GALNT18: variants seen among roughly 807,000 people sequenced by gnomAD.
GALNT18 encodes GalNAc-transferase 18.
In GALNT18, 44 loss-of-function variants were observed where a neutral mutation model predicts 69.5. That is an observed-to-expected ratio of 0.63 (90% CI 0.50 to 0.81). The LOEUF (loss-of-function observed/expected upper bound fraction) is 0.81, where lower values mean the gene tolerates loss of function less well. Among genes scored for constraint, GALNT18 ranks in the 40% least tolerant of loss-of-function variants. GALNT18 has a pLI of 0.00. For missense variants in GALNT18, 715 were observed against 810.0 expected, an observed-to-expected ratio of 0.88 and a Z score of 1.42; for synonymous variants, 364 against 318.2, an observed-to-expected ratio of 1.14 and a Z score of -1.53.
rs1041543974 is a variant in GALNT18 at position 11,459,952 on chromosome 11, TC to T, written c.236-11017del. ...TTCTGTTTCCATGCTCTTCCCAGTT[TC>T]CAGAGGCTGCCTGCATTCCTTGGCT... On this transcript the variant is annotated intron_variant, in intron 1 of 10. Transcript: ENST00000227756. The surrounding 1 kb of genome is among the most constrained non-coding windows in gnomAD (Gnocchi z 5.0). Among the ~76,000 whole-genome samples the T allele has an allele frequency of 6.6e-6, 1 of 152,162 alleles. No individual in the cohort carries two copies. The highest frequency in any genetic ancestry group is 1.5e-5 in the Non-Finnish European group (1 of 68,030).
rs921546997 is a variant in GALNT18, at chr11:11,526,124, G to T, written c.236-77188C>A. On this transcript the variant is annotated intron_variant, in intron 1 of 10. Coordinates refer to ENST00000227756, the MANE Select transcript of GALNT18 (RefSeq NM_198516.3). ...GGACAGGATGTTGGAAGAAAAGAGA[G>T]CAATGGCATTTTAGGCAGGCAGTCA... Among the ~76,000 whole-genome samples the T allele has an allele frequency of 8.4e-4, 128 of 152,310 alleles. 1 individual carries two copies. The highest frequency in any genetic ancestry group is 2.9e-3 in the African/African-American group (119 of 41,568).
chr11:11,532,647 A>T (rs1391686292), intron 1 of GALNT18, among the ~76,000 whole-genome samples: 3 of 152,256 alleles, frequency 2.0e-5, no homozygotes, highest in Non-Finnish European at 2.9e-5. Flanking sequence ...CATCTTGAAC[A>T]ACATAATGGA....
chr11:11,440,246 G>A (rs935034170), intron 2 of GALNT18, among the ~76,000 whole-genome samples: 3 of 152,210 alleles, frequency 2.0e-5, no homozygotes, highest in African/African-American at 7.2e-5. Flanking sequence ...CCAACAGGAA[G>A]CAGGGATACC....
In GALNT18 at chr11:11,563,578, T is replaced by C. The variant is rs1858567800; in HGVS notation, c.235+57781A>G. Among the ~76,000 whole-genome samples the C allele has an allele frequency of 6.6e-6, 1 of 152,230 alleles. No individual in the cohort carries two copies. The highest frequency in any genetic ancestry group is 2.4e-5 in the African/African-American group (1 of 41,458). ...GCAAACAGAGGGCTGTATCATCTCA[T>C]CTGACTATCACTCCATCCTCATGTC... is the stretch of plus-strand genomic sequence containing the variant. On this transcript the variant is annotated intron_variant, in intron 1 of 10. Coordinates refer to ENST00000227756, the MANE Select transcript of GALNT18 (RefSeq NM_198516.3). The surrounding 1 kb of genome is among the most constrained non-coding windows in gnomAD (Gnocchi z 4.6).
rs565560167 is a variant in GALNT18, at chr11:11,271,098, G to A, written c.*46C>T. 2 of 1,555,644 alleles carry A rather than the reference G, an allele frequency of 1.3e-6. No homozygotes were observed. Among genetic ancestry groups the A allele is most frequent in the African/African-American group, 2.7e-5 (2 of 74,084 alleles). ...GTGGACAGCAGGCAACGTTGCAGCA[G>A]GTGCTACACAGTAGCAAAGAGGCAG... is the stretch of plus-strand genomic sequence containing the variant. On this transcript the variant is annotated 3_prime_UTR_variant, in exon 11 of 11. Coordinates refer to ENST00000227756, the MANE Select transcript of GALNT18 (RefSeq NM_198516.3).
chr11:11,599,096 T>C (rs1859571815), intron 1 of GALNT18, among the ~76,000 whole-genome samples: 1 of 152,186 alleles, frequency 6.6e-6, no homozygotes, highest in Non-Finnish European at 1.5e-5. Flanking sequence ...ATTATAAGTG[T>C]CTATTAGGTC....
intron 1 of GALNT18, among the ~76,000 whole-genome samples, chr11:11,451,580 T>A (rs550147569): frequency 6.6e-6 from 1 of 152,344 alleles, no homozygotes; most frequent in Admixed American, 6.5e-5. Context: ...TTGTTGAATT[T>A]CTGCCAAGAG....
At position 11,372,377 on chromosome 11, in the gene GALNT18, C is replaced by T; in HGVS notation, c.1092+138G>A. 1 of 679,080 alleles carries T rather than the reference C, an allele frequency of 1.5e-6. No individual in the cohort carries two copies. The highest frequency in any genetic ancestry group is 2.6e-6 in the Non-Finnish European group (1 of 391,498). 42.1% of individuals were successfully genotyped at this position (679,080 alleles called of 1,614,324 possible). On this transcript the variant is annotated intron_variant, in intron 6 of 10. Coordinates refer to ENST00000227756, the MANE Select transcript of GALNT18 (RefSeq NM_198516.3). This position sits in a 1 kb window ranked among gnomAD's most constrained non-coding sequence, Gnocchi z 4.9. ...GCTCCACCCTGTGTCTTCCCAATCC[C>T]AATCACACACAGGATTCAGGACTGG...
intron 10 of GALNT18, among the ~76,000 whole-genome samples, chr11:11,274,538 T>G (rs1848897051): frequency 6.6e-6 from 1 of 152,080 alleles, no homozygotes; most frequent in African/African-American, 2.4e-5. Flanking sequence ...GTGGCCTGAG[T>G]AGGTGGGTTT....
At chr11:11,378,258 C>G (rs561670858) in intron 4 of GALNT18, among the ~76,000 whole-genome samples, 18 of 152,212 alleles carry the variant, frequency 1.2e-4, no homozygotes, top group Non-Finnish European at 2.2e-4. Flanking sequence ...TCTCCCACTC[C>G]CCGGGGGCAC....
intron 1 of GALNT18, among the ~76,000 whole-genome samples, chr11:11,549,667 C>T (rs1233511739): frequency 6.6e-6 from 1 of 152,382 alleles, no homozygotes; most frequent in East Asian, 1.9e-4. Context: ...ATCCCCATTT[C>T]CTCCCCAACA....
chr11:11,561,204 G>A (rs980949032), intron 1 of GALNT18, among the ~76,000 whole-genome samples: 2 of 152,184 alleles, frequency 1.3e-5, no homozygotes, highest in African/African-American at 2.4e-5. Context: ...TGAGAAGGGA[G>A]GGGAGGGAAA....
chr11:11,621,492 G>GT lies in GALNT18; in HGVS notation c.101dup (p.Asn34LysfsTer31). The GT allele has an allele frequency of 6.2e-7, 1 of 1,614,168 alleles. No homozygotes were observed. Among genetic ancestry groups the GT allele is most frequent in the Non-Finnish European group, 8.5e-7 (1 of 1,180,032 alleles). Reference sequence around the variant, plus strand: ...CCCGCACATACACGCTGGCGATGTAGTTGGTGACCCAGCCCACGTAGAGCA... The same window carrying GT: ...CCCGCACATACACGCTGGCGATGTAGTTTGGTGACCCAGCCCACGTAGAGCA... On this transcript the variant is annotated frameshift_variant, in exon 1 of 11. Transcript: ENST00000227756. LOFTEE classifies it high-confidence loss of function. This position sits in a 1 kb window ranked among gnomAD's most constrained non-coding sequence, Gnocchi z 9.3.
intron 3 of GALNT18, among the ~76,000 whole-genome samples, chr11:11,385,972 T>C (rs1029447708): frequency 6.6e-6 from 1 of 152,090 alleles, no homozygotes; most frequent in Non-Finnish European, 1.5e-5. Flanking sequence ...AGGCAGAGAC[T>C]GGAGTGATGT....
rs533485218 is a variant in GALNT18, at chr11:11,318,173, G to C, written c.1512+8913C>G. 6.6e-6 allele frequency among the ~76,000 whole-genome samples: 1 copy of C among 152,170 alleles called. No homozygotes were observed. Among genetic ancestry groups the C allele is most frequent in the South Asian group, 2.1e-4 (1 of 4,820 alleles). ...ACCCTTTTTGGCCTAGAAAGTGAGA[G>C]TCAGGTTTCCATTTCCACTCTTCCC... On this transcript the variant is annotated intron_variant, in intron 9 of 10. Coordinates refer to ENST00000227756, the MANE Select transcript of GALNT18 (RefSeq NM_198516.3). The surrounding 1 kb of genome is among the most constrained non-coding windows in gnomAD (Gnocchi z 5.1).
intron 3 of GALNT18, among the ~76,000 whole-genome samples, chr11:11,392,617 C>T (rs1854222122): frequency 6.6e-6 from 1 of 152,034 alleles, no homozygotes; most frequent in African/African-American, 2.4e-5. Flanking sequence ...GAAACTCCTT[C>T]TCAAAAAGAA....
chr11:11,428,089 A>G (rs1014256979), intron 3 of GALNT18, among the ~76,000 whole-genome samples: 1 of 152,254 alleles, frequency 6.6e-6, no homozygotes, highest in Non-Finnish European at 1.5e-5. Context: ...GGCTGGTACT[A>G]CAGAAATCTT....
At chr11:11,566,798 A>G (rs1858663964) in intron 1 of GALNT18, among the ~76,000 whole-genome samples, 1 of 152,200 alleles carries the variant, frequency 6.6e-6, no homozygotes, top group Non-Finnish European at 1.5e-5. Flanking sequence ...GTCCTGATGA[A>G]CAGACCACTT....
intron 3 of GALNT18, among the ~76,000 whole-genome samples, chr11:11,427,850 C>T (rs112841410): frequency 7.9e-5 from 12 of 152,324 alleles, no homozygotes; most frequent in African/African-American, 2.6e-4. Context: ...TCCGATTCCC[C>T]CACCTCATCC....
Sources: gnomAD v4.1 joint callset for allele counts (sites outside exome capture counted in the v4.1 genomes callset) on GRCh38, gnomAD v4.1.1 for gene constraint, Gnocchi (gnomAD v3.1) non-coding constraint, MANE v1.5 for transcripts, NCBI Gene and HGNC (gene_info 2026-07-23, HGNC 2026-07-21) for gene names.